The following EEF2K variants were observed in gnomAD, a reference collection of about 807,000 sequenced individuals.
EEF2K encodes the protein alternative protein EEF2K.
In EEF2K, 70 loss-of-function variants were observed where a neutral mutation model predicts 93.8. The ratio of observed to expected loss-of-function variants is 0.75; its 90% CI spans 0.62 to 0.91. The LOEUF (loss-of-function observed/expected upper bound fraction) is 0.91, where lower values mean the gene tolerates loss of function less well. Ranked by LOEUF, EEF2K falls within the 40% of genes least tolerant of loss-of-function variation. EEF2K has a pLI of 0.00. For synonymous variants in EEF2K, 376 were observed against 380.8 expected (o/e 0.99, Z 0.15); for missense variants, 935 against 972.9 (o/e 0.96, Z 0.52).
At chr16:22,274,511 GA>G (rs2047616285) in intron 16 of EEF2K, among the ~76,000 whole-genome samples, 1 of 151,744 alleles carries the variant, frequency 6.6e-6, no homozygotes, top group African/African-American at 2.4e-5. Context: ...TATAGGTAAT[GA>G]TTTGCCTGAG....
chr16:22,266,802 C>T lies in EEF2K; in HGVS notation c.1690C>T (p.Leu564=). ...HLEHAANLGE[L]EAIVGLGLMY... ...GGAGCACGCAGCCAACCTGGGCGAG[C>T]TGGAGGCCATCGTGGGCCTGGGACT... Residue 564 remains leucine, a synonymous_variant, in exon 15 of 18, where the codon CTG becomes TTG. Coordinates refer to ENST00000263026, the MANE Select transcript of EEF2K (RefSeq NM_013302.5). The T allele has an allele frequency of 6.2e-7, 1 of 1,614,222 alleles. No homozygotes were observed. The highest frequency in any genetic ancestry group is 1.1e-5 in the South Asian group (1 of 91,086).
At chr16:22,238,282 G>A (rs2047187468) in intron 2 of EEF2K, among the ~76,000 whole-genome samples, 1 of 152,032 alleles carries the variant, frequency 6.6e-6, no homozygotes, top group African/African-American at 2.4e-5. Context: ...GTGAGACCAC[G>A]TCCCCCACTC....
At chr16:22,232,339 A>T (rs934894692) in intron 2 of EEF2K, among the ~76,000 whole-genome samples, 3 of 151,866 alleles carry the variant, frequency 2.0e-5, no homozygotes, top group Non-Finnish European at 2.9e-5. Context: ...CGATCCTCCC[A>T]CCTCAGCCTC....
At position 22,258,668 on chromosome 16, in the gene EEF2K, C is replaced by G. The variant is rs2047433518; in HGVS notation, c.1204C>G (p.Pro402Ala). Reference sequence around the variant, plus strand: ...CCCTTCTTCCCCATCTTCGGCCACACCACACAGCCAGAAGCTAGACCACCT... The same window carrying G: ...CCCTTCTTCCCCATCTTCGGCCACAGCACACAGCCAGAAGCTAGACCACCT... ...SLPSSPSSAT[P>A]HSQKLDHLHW... The change falls in exon 10 of 18, where the codon CCA becomes GCA. Residue 402 changes from proline to alanine, a missense_variant. Pro to Ala is a conservative substitution (Grantham distance 27). Coordinates refer to ENST00000263026, the MANE Select transcript of EEF2K (RefSeq NM_013302.5). The G allele has an allele frequency of 3.1e-6, 5 of 1,614,084 alleles. No individual in the cohort carries two copies. The highest frequency in any genetic ancestry group is 3.4e-6 in the Non-Finnish European group (4 of 1,180,048).
chr16:22,263,053 ACCATTT>A (rs986044099), intron 11 of EEF2K, 51 bp from the exon 12 acceptor site: 2 of 1,548,322 alleles, frequency 1.3e-6, no homozygotes, highest in African/African-American at 2.7e-5. Flanking sequence ...AGATGTCATA[ACCATTT>A]CCAGGTGCTC....
At chr16:22,210,897 A>G (rs2046907772) in intron 1 of EEF2K, among the ~76,000 whole-genome samples, 1 of 152,136 alleles carries the variant, frequency 6.6e-6, no homozygotes, top group South Asian at 2.1e-4. Flanking sequence ...AGTGCTTTGT[A>G]AGTGATACTG....
chr16:22,213,804 T>C (rs539230709), intron 1 of EEF2K, among the ~76,000 whole-genome samples: 3 of 152,290 alleles, frequency 2.0e-5, no homozygotes, highest in Non-Finnish European at 4.4e-5. Context: ...CTTTCTGTCT[T>C]TGGTCACATC....
intron 15 of EEF2K, among the ~76,000 whole-genome samples, chr16:22,272,984 T>C (rs560048772): frequency 6.0e-4 from 92 of 152,316 alleles, no homozygotes; most frequent in African/African-American, 2.1e-3. Flanking sequence ...CTGTGATGTG[T>C]ACTTATGATG....
rs1349364979 is a variant in EEF2K at position 22,288,137 on chromosome 16, C to A, written c.*4141C>A. On this transcript the variant is annotated 3_prime_UTR_variant, in exon 18 of 18. Transcript: ENST00000263026. Reference sequence around the variant, plus strand: ...CCCGAGTAGCTGGGACTACAGGCACCTGCCACCACGCGCAGCTAATGTTTG... The same window carrying A: ...CCCGAGTAGCTGGGACTACAGGCACATGCCACCACGCGCAGCTAATGTTTG... 1 of 152,058 alleles carries A rather than the reference C, an allele frequency of 6.6e-6. No homozygotes were observed. Among genetic ancestry groups the A allele is most frequent in the Non-Finnish European group, 1.5e-5 (1 of 68,044 alleles). 9.4% of individuals were successfully genotyped at this position (152,058 alleles called of 1,614,324 possible). A position where few individuals can be genotyped will look rare whatever the true frequency, so the allele number is the denominator to read the frequency against.
Position 22,264,881 on chromosome 16 carries a change from G to C in EEF2K, c.1440+1G>C, listed in dbSNP as rs770495172. On this transcript the variant is annotated splice_donor_variant, in intron 13 of 17. Transcript: ENST00000263026. LOFTEE classifies it high-confidence loss of function. ...AGACAGCCTGGGCAGCTCTGGACGG[G>C]TAATGCGCCCTGAGGCACCCTTGTC... is the stretch of plus-strand genomic sequence containing the variant. The C allele has an allele frequency of 6.2e-7, 1 of 1,614,016 alleles. No homozygotes were observed. The highest frequency in any genetic ancestry group is 8.5e-7 in the Non-Finnish European group (1 of 1,179,960).
At chr16:22,245,996 A>G (rs1048584287) in intron 3 of EEF2K, among the ~76,000 whole-genome samples, 1 of 152,044 alleles carries the variant, frequency 6.6e-6, no homozygotes, top group South Asian at 2.1e-4. Flanking sequence ...GACACCATCT[A>G]CCTGGAGATA....
At position 22,286,165 on chromosome 16, in the gene EEF2K, GTTTTCCTT is replaced by G. The variant is rs1445254361; in HGVS notation, c.*2172_*2179del. 6.6e-6 allele frequency: 1 copy of G among 152,132 alleles called. No individual in the cohort carries two copies. Among genetic ancestry groups the G allele is most frequent in the Non-Finnish European group, 1.5e-5 (1 of 68,038 alleles). 9.4% of individuals were successfully genotyped at this position (152,132 alleles called of 1,614,324 possible). Reference sequence around the variant, plus strand: ...TTTCAATATGGACTCATCATAGCCAGTTTTCCTTTTGAAGTTGGAACTGATCACCCTTT... The same window carrying G: ...TTTCAATATGGACTCATCATAGCCAGTTGAAGTTGGAACTGATCACCCTTT... On this transcript the variant is annotated 3_prime_UTR_variant, in exon 18 of 18. Coordinates refer to ENST00000263026, the MANE Select transcript of EEF2K (RefSeq NM_013302.5).
Position 22,251,228 on chromosome 16 carries a change from C to T in EEF2K, c.524C>T (p.Pro175Leu). 6.2e-7 allele frequency: 1 copy of T among 1,614,110 alleles called. No individual in the cohort carries two copies. Among genetic ancestry groups the T allele is most frequent in the Non-Finnish European group, 8.5e-7 (1 of 1,180,000 alleles). Residue 175 changes from proline to leucine, a missense_variant, in exon 6 of 18, where the codon CCC (proline) becomes CTC (leucine). By Grantham distance (98) the Pro-to-Leu change is moderately conservative. Coordinates refer to ENST00000263026, the MANE Select transcript of EEF2K (RefSeq NM_013302.5). ...SNYVAKRYIE[P>L]VDRDVYFEDV... is the part of the protein sequence containing the mutation. ...TACGTGGCGAAGCGCTACATCGAGCCCGTAGACCGGGATGTGTACTTTGAG... is the reference window on the plus strand; with the variant it reads ...TACGTGGCGAAGCGCTACATCGAGCTCGTAGACCGGGATGTGTACTTTGAG...
intron 2 of EEF2K, among the ~76,000 whole-genome samples, chr16:22,233,244 C>T (rs944440370): frequency 6.6e-6 from 1 of 152,198 alleles, no homozygotes; most frequent in African/African-American, 2.4e-5. Context: ...ATCACCAGGG[C>T]AGCAGGAATT....
chr16:22,232,740 G>A (rs941393500), intron 2 of EEF2K, among the ~76,000 whole-genome samples: 3 of 152,124 alleles, frequency 2.0e-5, no homozygotes, highest in Non-Finnish European at 1.5e-5. Flanking sequence ...GTGTGTGGAC[G>A]GGAGTTGGCA....
chr16:22,251,000 G>T, intron 5 of EEF2K, 151 bp from the exon 6 acceptor site: 1 of 923,660 alleles, frequency 1.1e-6, no homozygotes, highest in Admixed American at 2.3e-5. Context: ...GATGCAGAGG[G>T]GTGGGGACGT....
intron 6 of EEF2K, among the ~76,000 whole-genome samples, chr16:22,254,393 C>G (rs1388455372): frequency 1.3e-5 from 2 of 152,148 alleles, no homozygotes; most frequent in East Asian, 1.9e-4. Context: ...CAAGTTCTCA[C>G]CTCTCAGATC....
Position 22,273,621 on chromosome 16 carries a change from A to T in EEF2K, c.1765-5A>T. ...TCTTTCTCCCTCTTTGGTTTGTATC[A>T]ACAGGAGACAGAAGAGAACAAAACC... On this transcript the variant is annotated splice_region_variant and splice_polypyrimidine_tract_variant and intron_variant, in intron 15 of 17. Transcript: ENST00000263026. 1 of 1,614,020 alleles carries T rather than the reference A, an allele frequency of 6.2e-7. No homozygotes were observed. The highest frequency in any genetic ancestry group is 1.1e-5 in the South Asian group (1 of 91,066).
Position 22,206,682 on chromosome 16 carries a change from A to T in EEF2K, c.-77+3A>T, listed in dbSNP as rs1386094145. 6.6e-6 allele frequency: 1 copy of T among 152,114 alleles called. No homozygotes were observed. The highest frequency in any genetic ancestry group is 1.5e-5 in the Non-Finnish European group (1 of 68,136). 9.4% of individuals were successfully genotyped at this position (152,114 alleles called of 1,614,324 possible). A position where few individuals can be genotyped will look rare whatever the true frequency, so the allele number is the denominator to read the frequency against. ...CCGCGCCTGTCTGCCCGAGGGAGGT[A>T]GGTGTGGACCGCGGCCGGCAAGGCT... is the stretch of plus-strand genomic sequence containing the variant. On this transcript the variant is annotated splice_donor_region_variant and intron_variant, in intron 1 of 17. Transcript: ENST00000263026.
Sources: allele counts gnomAD v4.1 joint callset (sites outside exome capture counted in the v4.1 genomes callset), GRCh38; gene constraint gnomAD v4.1.1; transcripts MANE v1.5; gene names NCBI Gene and HGNC (gene_info 2026-07-23, HGNC 2026-07-21).